Variants in SLC9A9 observed in about 807,000 individuals in gnomAD.
The protein encoded by SLC9A9 is solute carrier family 9 member A9, also known as sodium/hydrogen exchanger 9.
A neutral mutation model predicts 77.8 loss-of-function variants in SLC9A9; 62 were observed. The ratio of observed to expected loss-of-function variants is 0.80; its 90% CI spans 0.65 to 0.98. The LOEUF (loss-of-function observed/expected upper bound fraction) is 0.98, where lower values mean the gene tolerates loss of function less well. Ranked by LOEUF, SLC9A9 falls within the 50% of genes least tolerant of loss-of-function variation. The pLI, the probability that SLC9A9 is intolerant of heterozygous loss-of-function variation, is 0.00. For synonymous variants in SLC9A9, 320 were observed against 283.5 expected, an observed-to-expected ratio of 1.13 and a Z score of -1.29; for missense variants, 775 against 774.9, an observed-to-expected ratio of 1.00 and a Z score of 0.00.
At chr3:143,520,148 T>C (rs755923301) in intron 9 of SLC9A9, among the ~76,000 whole-genome samples, 17 of 152,206 alleles carry the variant, frequency 1.1e-4, no homozygotes, top group Admixed American at 2.0e-4. Flanking sequence ...GGGCATCCTA[T>C]AGTCATAATT....
intron 14 of SLC9A9, among the ~76,000 whole-genome samples, chr3:143,327,152 C>A (rs1435381870): frequency 2.0e-5 from 3 of 151,958 alleles, no homozygotes; most frequent in African/African-American, 7.3e-5. Context: ...CTCTTTCAAA[C>A]AGGAAAGAAA....
At chr3:143,370,714 C>T (rs2033041359) in intron 13 of SLC9A9, among the ~76,000 whole-genome samples, 1 of 149,978 alleles carries the variant, frequency 6.7e-6, no homozygotes, top group South Asian at 2.1e-4. Flanking sequence ...ATTTGTGATT[C>T]CATTATTTAG....
chr3:143,658,069 C>T (rs1174622325), intron 5 of SLC9A9, among the ~76,000 whole-genome samples: 1 of 152,002 alleles, frequency 6.6e-6, no homozygotes, highest in Non-Finnish European at 1.5e-5. Flanking sequence ...GTTTCACCAT[C>T]TTGGCCAGAC....
chr3:143,776,357 G>C (rs1305364232), intron 4 of SLC9A9, among the ~76,000 whole-genome samples: 1 of 152,008 alleles, frequency 6.6e-6, no homozygotes, highest in Non-Finnish European at 1.5e-5. Context: ...CTTATTAAGG[G>C]CATTTACCCC....
chr3:143,595,253 T>C (rs375050605), intron 6 of SLC9A9, among the ~76,000 whole-genome samples: 3 of 152,194 alleles, frequency 2.0e-5, no homozygotes, highest in South Asian at 2.1e-4. Context: ...AAATCATATT[T>C]CTTTTGGCTT....
intron 11 of SLC9A9, among the ~76,000 whole-genome samples, chr3:143,477,345 TTTC>T (rs1449655524): frequency 7.1e-6 from 1 of 139,942 alleles, no homozygotes; most frequent in East Asian, 2.1e-4. Flanking sequence ...TTTTTTTTTT[TTTC>T]CCCCTCCCCC....
At chr3:143,474,613 A>G (rs1363833506) in intron 11 of SLC9A9, among the ~76,000 whole-genome samples, 1 of 151,886 alleles carries the variant, frequency 6.6e-6, no homozygotes, top group Non-Finnish European at 1.5e-5. Flanking sequence ...CTGGGTGTAT[A>G]AGGGCGATCA....
At chr3:143,737,597 T>G (rs1384832611) in intron 4 of SLC9A9, among the ~76,000 whole-genome samples, 2 of 152,306 alleles carry the variant, frequency 1.3e-5, no homozygotes, top group Non-Finnish European at 2.9e-5. Flanking sequence ...CTCTATGTAC[T>G]TGGTTTGTAT....
chr3:143,370,132 C>A (rs1405127961), intron 13 of SLC9A9, among the ~76,000 whole-genome samples: 3 of 152,054 alleles, frequency 2.0e-5, no homozygotes, highest in Non-Finnish European at 2.9e-5. Context: ...TTGTTTTAAG[C>A]CACTATATTT....
intron 4 of SLC9A9, among the ~76,000 whole-genome samples, chr3:143,730,815 T>A (rs1314610022): frequency 2.0e-5 from 3 of 151,852 alleles, no homozygotes; most frequent in Non-Finnish European, 4.4e-5. Flanking sequence ...TATAAAGCCT[T>A]ACACCCACAC....
chr3:143,423,287 A>ACACG (rs2034343006), intron 12 of SLC9A9, among the ~76,000 whole-genome samples: 1 of 149,824 alleles, frequency 6.7e-6, no homozygotes, highest in African/African-American at 2.5e-5. Flanking sequence ...ACACACACAC[A>ACACG]CAGAGTTCCT....
intron 2 of SLC9A9, among the ~76,000 whole-genome samples, chr3:143,816,366 C>T (rs1172207478): frequency 6.6e-6 from 1 of 152,100 alleles, no homozygotes; most frequent in Non-Finnish European, 1.5e-5. Context: ...ACCACAACCA[C>T]CTAATTTTAA....
chr3:143,609,761 G>A (rs182183862), intron 6 of SLC9A9, among the ~76,000 whole-genome samples: 331 of 152,170 alleles, frequency 2.2e-3, no homozygotes, highest in African/African-American at 7.6e-3. Flanking sequence ...TTATATATTA[G>A]ATATCTTTCC....
In SLC9A9 at chr3:143,630,488, G is replaced by A. The variant is rs528672047; in HGVS notation, c.755+21767C>T. Among the ~76,000 whole-genome samples, 7 of 152,278 alleles carry A rather than the reference G, an allele frequency of 4.6e-5. 1 individual carries two copies. In the South Asian group the frequency reaches 1.5e-3, roughly 32 times the overall value. ...TGATTCTTGTGGATAGGAGCATAAA[G>A]CCTTTTCTTTTATCACAGAAGCTAA... On this transcript the variant is annotated intron_variant, in intron 6 of 15. Transcript: ENST00000316549.
intron 14 of SLC9A9, among the ~76,000 whole-genome samples, chr3:143,350,673 T>C (rs2032426206): frequency 6.6e-6 from 1 of 152,180 alleles, no homozygotes; most frequent in Non-Finnish European, 1.5e-5. Context: ...CCATTTGAAA[T>C]TTACAGTTAC....
intron 6 of SLC9A9, among the ~76,000 whole-genome samples, chr3:143,586,057 C>T (rs1181950646): frequency 6.6e-6 from 1 of 152,210 alleles, no homozygotes; most frequent in African/African-American, 2.4e-5. Context: ...GAAGGGATAA[C>T]AGTATAACAG....
chr3:143,703,381 A>G, intron 4 of SLC9A9, among the ~76,000 whole-genome samples: 1 of 151,920 alleles, frequency 6.6e-6, no homozygotes, highest in Non-Finnish European at 1.5e-5. Context: ...TCTGACCATA[A>G]TGGAATAAAA....
At chr3:143,389,914 A>G (rs1005003550) in intron 12 of SLC9A9, among the ~76,000 whole-genome samples, 4 of 152,206 alleles carry the variant, frequency 2.6e-5, no homozygotes, top group African/African-American at 4.8e-5. Flanking sequence ...GACATGAAGT[A>G]TGTAATATGA....
chr3:143,795,102 TA>T (rs748037748), intron 3 of SLC9A9, 25 bp from the exon 4 acceptor site: 10 of 1,586,762 alleles, frequency 6.3e-6, no homozygotes, highest in South Asian at 4.4e-5. Flanking sequence ...AGATATTTAA[TA>T]GAGTACATCA....
Sources: allele counts gnomAD v4.1 joint callset (sites outside exome capture counted in the v4.1 genomes callset), GRCh38; gene constraint gnomAD v4.1.1; transcripts MANE v1.5; gene names NCBI Gene and HGNC (gene_info 2026-07-23, HGNC 2026-07-21).